The following MEIS2 variants were observed in gnomAD, a reference collection of about 807,000 sequenced individuals.
The protein encoded by MEIS2 is homeobox protein Meis2.
MEIS2 carries 9 observed loss-of-function variants against 58.6 expected under a neutral mutation model. The observed-to-expected ratio is 0.15, with a 90% CI of 0.09 to 0.27. The LOEUF is 0.27. MEIS2 is among the 10% of genes least tolerant of loss of function. The pLI is 1.00. For missense variants in MEIS2, 427 were observed against 635.0 expected (o/e 0.67, Z 3.52); for synonymous variants, 221 against 228.4 (o/e 0.97, Z 0.29).
intron 8 of MEIS2, chr15:37,036,569 G>T (rs1567210436): frequency 2.6e-6 from 1 of 390,124 alleles, no homozygotes. Flanking sequence ...GCTGTTTAGG[G>T]TCTTAGATCA....
chr15:37,099,439 G>A lies in MEIS2; in HGVS notation c.12+16C>T, dbSNP rs1447508850. 8 of 1,614,096 alleles carry A rather than the reference G, an allele frequency of 5.0e-6. No individual in the cohort carries two copies. In the East Asian group the frequency reaches 1.8e-4, roughly 36 times the overall value. ...GAGGATTTATATCTAGGTAAGTGTT[G>A]GAGATTTAAACCTACCCTTTGCGCC... On this transcript the variant is annotated intron_variant, in intron 1 of 11. Transcript: ENST00000561208.
chr15:36,916,485 G>A (rs1212686820), intron 9 of MEIS2, among the ~76,000 whole-genome samples: 2 of 150,324 alleles, frequency 1.3e-5, no homozygotes, highest in African/African-American at 2.4e-5. Flanking sequence ...AGGCTGAAGT[G>A]CAGTGGTGTG....
At chr15:36,998,178 T>A in intron 8 of MEIS2, among the ~76,000 whole-genome samples, 1 of 151,934 alleles carries the variant, frequency 6.6e-6, no homozygotes, top group Non-Finnish European at 1.5e-5. Context: ...TAAAGCCAGT[T>A]TGATCAGCAC....
At chr15:37,040,094 G>T (rs2062356260) in intron 7 of MEIS2, among the ~76,000 whole-genome samples, 1 of 151,154 alleles carries the variant, frequency 6.6e-6, no homozygotes, top group Non-Finnish European at 1.5e-5. Context: ...GTGTGTGTGT[G>T]TGGTTGTGTG....
intron 6 of MEIS2, among the ~76,000 whole-genome samples, chr15:37,089,156 T>C (rs549554520): frequency 6.6e-6 from 1 of 152,250 alleles, no homozygotes; most frequent in East Asian, 1.9e-4. Context: ...AGCTCAGAAG[T>C]AGAACTTTAT....
At chr15:36,970,352 C>T (rs1423670547) in intron 8 of MEIS2, among the ~76,000 whole-genome samples, 1 of 150,316 alleles carries the variant, frequency 6.7e-6, no homozygotes, top group South Asian at 2.1e-4. Flanking sequence ...TGCAGTGAGC[C>T]GAGATCGCGC....
At chr15:37,095,802 C>T in intron 3 of MEIS2, 188 bp from the exon 4 acceptor site, 1 of 800,618 alleles carries the variant, frequency 1.2e-6, no homozygotes, top group Non-Finnish European at 1.9e-6. Context: ...CTGGTCCTGG[C>T]CCCATTAAGG....
At position 37,032,323 on chromosome 15, in the gene MEIS2, C is replaced by G. The variant is rs144830180; in HGVS notation, c.900+4491G>C. Among the ~76,000 whole-genome samples, 519 of 152,218 alleles carry G rather than the reference C, an allele frequency of 3.4e-3. 3 individuals carry two copies. Among genetic ancestry groups the G allele is most frequent in the African/African-American group, 0.012 (505 of 41,538 alleles). ...CAACTGGAGGAGCTCTTGAAGGTGGCAAGTGGAGGTGCCCGAGGGCCTAAT... is the reference window on the plus strand; with the variant it reads ...CAACTGGAGGAGCTCTTGAAGGTGGGAAGTGGAGGTGCCCGAGGGCCTAAT... On this transcript the variant is annotated intron_variant, in intron 8 of 11. Transcript: ENST00000561208.
intron 8 of MEIS2, among the ~76,000 whole-genome samples, chr15:37,030,793 A>G (rs2061887970): frequency 6.6e-6 from 1 of 151,380 alleles, no homozygotes; most frequent in Non-Finnish European, 1.5e-5. Context: ...GGCATGCACC[A>G]CCATGCCCAG....
At chr15:37,086,055 C>G (rs950237030) in intron 6 of MEIS2, among the ~76,000 whole-genome samples, 3 of 152,212 alleles carry the variant, frequency 2.0e-5, no homozygotes, top group Non-Finnish European at 4.4e-5. Flanking sequence ...ACATATTCAC[C>G]TAAGCTAAAC....
intron 6 of MEIS2, among the ~76,000 whole-genome samples, chr15:37,091,915 T>C (rs998623309): frequency 6.6e-6 from 1 of 151,936 alleles, no homozygotes. Flanking sequence ...TGTGAATAAA[T>C]ATAAATATAG....
chr15:37,099,474 C>T lies in MEIS2; in HGVS notation c.-8G>A. 3 of 1,613,786 alleles carry T rather than the reference C, an allele frequency of 1.9e-6. No individual in the cohort carries two copies. Among genetic ancestry groups the T allele is most frequent in the South Asian group, 2.2e-5 (2 of 91,064 alleles). ...ACCTACCCTTTGCGCCATCAGTCTG[C>T]GCTCCAATAAACTCCTGGATGTGTC... On this transcript the variant is annotated 5_prime_UTR_variant, in exon 1 of 12. Coordinates refer to ENST00000561208, the MANE Select transcript of MEIS2 (RefSeq NM_170675.5).
intron 7 of MEIS2, among the ~76,000 whole-genome samples, chr15:37,041,630 G>A (rs2062427380): frequency 2.0e-5 from 3 of 152,134 alleles, no homozygotes; most frequent in African/African-American, 7.2e-5. Flanking sequence ...TCTGGGTGTA[G>A]GCAAATATCC....
rs1185954742 is a variant in MEIS2, at chr15:36,891,211, A to G, written c.*962T>C. 4 of 152,620 alleles carry G rather than the reference A, an allele frequency of 2.6e-5. No individual in the cohort carries two copies. Among genetic ancestry groups the G allele is most frequent in the Non-Finnish European group, 5.9e-5 (4 of 68,036 alleles). The allele number at this position is 152,620 out of a possible 1,614,324, so 9.5% of individuals were successfully genotyped here. On this transcript the variant is annotated 3_prime_UTR_variant, in exon 12 of 12. Coordinates refer to ENST00000561208, the MANE Select transcript of MEIS2 (RefSeq NM_170675.5). The stretch of plus-strand genomic sequence containing the variant: ...AAGAATTCATGGACATACAATACCA[A>G]TTCCACAGCAGATCTGATACTAGCA...
At chr15:36,965,630 A>G (rs567261245) in intron 8 of MEIS2, among the ~76,000 whole-genome samples, 1 of 152,312 alleles carries the variant, frequency 6.6e-6, no homozygotes, top group African/African-American at 2.4e-5. Flanking sequence ...TAAAATATTT[A>G]TATGTCTCCC....
rs145287592 is a variant in MEIS2 at position 37,015,096 on chromosome 15, G to A, written c.900+21718C>T. ...AGTGAAAAGCTATTGTCAATATTTA[G>A]CGGAACGCTATGCCATGTCGGAGGC... is the stretch of plus-strand genomic sequence containing the variant. On this transcript the variant is annotated intron_variant, in intron 8 of 11. Transcript: ENST00000561208. 1.2e-4 allele frequency among the ~76,000 whole-genome samples: 18 copies of A among 152,362 alleles called. No homozygotes were observed. The South Asian group carries it at 2.9e-3, about 25-fold the overall frequency.
chr15:37,028,562 A>G (rs935907671), intron 8 of MEIS2, among the ~76,000 whole-genome samples: 22 of 152,336 alleles, frequency 1.4e-4, no homozygotes, highest in East Asian at 3.9e-4. Flanking sequence ...TAATTTGAGA[A>G]ATTGTAAAAA....
intron 8 of MEIS2, among the ~76,000 whole-genome samples, chr15:37,015,718 C>G (rs1022193232): frequency 2.0e-5 from 3 of 152,074 alleles, no homozygotes; most frequent in African/African-American, 7.2e-5. Flanking sequence ...ACATCTGTAG[C>G]AGGCTTGCTT....
intron 8 of MEIS2, among the ~76,000 whole-genome samples, chr15:36,972,479 A>T (rs1455735246): frequency 6.6e-6 from 1 of 151,988 alleles, no homozygotes; most frequent in Non-Finnish European, 1.5e-5. Flanking sequence ...CTGGTCTCGA[A>T]CTCCTGACCT....
Sources: allele counts gnomAD v4.1 joint callset (sites outside exome capture counted in the v4.1 genomes callset), GRCh38; gene constraint gnomAD v4.1.1; transcripts MANE v1.5; gene names NCBI Gene and HGNC (gene_info 2026-07-23, HGNC 2026-07-21).